The following RHOU variants were observed in gnomAD, a reference collection of about 807,000 sequenced individuals.
The protein encoded by RHOU is rho-related GTP-binding protein RhoU.
Under a neutral mutation model 12.6 loss-of-function variants are expected in RHOU, and 8 were observed. The observed-to-expected ratio is 0.64, with a 90% confidence interval of 0.37 to 1.15. The LOEUF is 1.15. Among genes scored for constraint, RHOU ranks in the 50% most tolerant of loss-of-function variants. The pLI is 0.01. For synonymous variants in RHOU, 161 were observed against 147.4 expected, an observed-to-expected ratio of 1.09 and a Z score of -0.67; for missense variants, 258 against 347.0, an observed-to-expected ratio of 0.74 and a Z score of 2.04.
chr1:228,676,637 G>A, the RHOU span, among the ~76,000 whole-genome samples: 7 of 152,226 alleles, frequency 4.6e-5, no homozygotes, highest in South Asian at 4.1e-4. Context: ...CCTGGGTGCA[G>A]GCAGGCTGAG....
chr1:228,647,747 A>G, the RHOU span, among the ~76,000 whole-genome samples: 1 of 152,070 alleles, frequency 6.6e-6, no homozygotes. Context: ...GCCCATCCTG[A>G]ATAGTTGTGA....
At chr1:228,684,442 C>T in the RHOU span, among the ~76,000 whole-genome samples, 2 of 149,104 alleles carry the variant, frequency 1.3e-5, no homozygotes, top group Admixed American at 6.6e-5. Context: ...GATCCTTCCA[C>T]CGCAGCCCCC....
the RHOU span, among the ~76,000 whole-genome samples, chr1:228,661,230 G>A: frequency 6.6e-6 from 1 of 152,136 alleles, no homozygotes; most frequent in East Asian, 1.9e-4. Context: ...TGGATAGGAA[G>A]CATCAATATC....
chr1:228,649,209 C>T, the RHOU span, among the ~76,000 whole-genome samples: 1 of 152,174 alleles, frequency 6.6e-6, no homozygotes, highest in Non-Finnish European at 1.5e-5. Context: ...GTTCAAGGTA[C>T]TAGAGTACCT....
the RHOU span, among the ~76,000 whole-genome samples, chr1:228,674,942 G>T: frequency 6.6e-6 from 1 of 151,046 alleles, no homozygotes; most frequent in Non-Finnish European, 1.5e-5. Flanking sequence ...TGTTAGCCAG[G>T]ATGGTCTCAA....
chr1:228,658,717 A>T, the RHOU span, among the ~76,000 whole-genome samples: 6 of 152,182 alleles, frequency 3.9e-5, no homozygotes, highest in African/African-American at 1.4e-4. Context: ...TCCACAGGGG[A>T]TTGGTTCCAG....
the RHOU span, among the ~76,000 whole-genome samples, chr1:228,714,696 T>C: frequency 6.6e-6 from 1 of 151,832 alleles, no homozygotes; most frequent in Non-Finnish European, 1.5e-5. Flanking sequence ...CCTTCTTCTT[T>C]TTTTTCTTAA....
chr1:228,701,918 A>G, the RHOU span, among the ~76,000 whole-genome samples: 10 of 151,686 alleles, frequency 6.6e-5, no homozygotes, highest in African/African-American at 2.4e-4. Context: ...ACTCTTAGTC[A>G]CCCTAATTTT....
At chr1:228,666,187 T>C in the RHOU span, among the ~76,000 whole-genome samples, 1 of 152,172 alleles carries the variant, frequency 6.6e-6, no homozygotes, top group East Asian at 1.9e-4. Context: ...ATCGAACTCC[T>C]GACTTCAAGT....
chr1:228,655,006 C>A, the RHOU span, among the ~76,000 whole-genome samples: 3 of 152,146 alleles, frequency 2.0e-5, no homozygotes, highest in Non-Finnish European at 4.4e-5. Context: ...CACCTAGTTC[C>A]CTATAATGAT....
At chr1:228,673,181 C>T in the RHOU span, among the ~76,000 whole-genome samples, 2 of 152,124 alleles carry the variant, frequency 1.3e-5, no homozygotes, top group African/African-American at 2.4e-5. Flanking sequence ...TCCCAGAAGC[C>T]CCATCTGATC....
the RHOU span, among the ~76,000 whole-genome samples, chr1:228,711,016 A>G: frequency 1.3e-5 from 2 of 152,248 alleles, no homozygotes; most frequent in East Asian, 3.9e-4. Context: ...ATACACCAAC[A>G]GACAAACAGA....
chr1:228,689,829 T>C, the RHOU span, among the ~76,000 whole-genome samples: 20 of 151,696 alleles, frequency 1.3e-4, no homozygotes, highest in African/African-American at 4.9e-4. Context: ...CGTGGAAAAA[T>C]TGTCTTCCAC....
chr1:228,701,401 G>C, the RHOU span, among the ~76,000 whole-genome samples: 1 of 152,106 alleles, frequency 6.6e-6, no homozygotes, highest in South Asian at 2.1e-4. Context: ...GACAGCATTA[G>C]ACAGAATCTA....
the RHOU span, among the ~76,000 whole-genome samples, chr1:228,719,755 A>AAAC: frequency 6.6e-6 from 1 of 152,028 alleles, no homozygotes; most frequent in Admixed American, 6.6e-5. Context: ...ACATACAAGC[A>AAAC]AACAACAACA....
At chr1:228,717,564 T>A in the RHOU span, among the ~76,000 whole-genome samples, 2 of 152,240 alleles carry the variant, frequency 1.3e-5, no homozygotes, top group African/African-American at 2.4e-5. Flanking sequence ...GCCATATTTA[T>A]CACTTACCAC....
chr1:228,675,703 A>G, the RHOU span, among the ~76,000 whole-genome samples: 1 of 152,260 alleles, frequency 6.6e-6, no homozygotes. Context: ...CACTGCTGCT[A>G]TAATGGATTT....
the RHOU span, among the ~76,000 whole-genome samples, chr1:228,665,654 C>T: frequency 1.3e-4 from 20 of 152,160 alleles, no homozygotes; most frequent in Non-Finnish European, 2.9e-4. Flanking sequence ...TGAGAACCTG[C>T]AGTTCTGATG....
chr1:228,683,510 G>A, the RHOU span, among the ~76,000 whole-genome samples: 1 of 152,154 alleles, frequency 6.6e-6, no homozygotes, highest in African/African-American at 2.4e-5. Context: ...TTTTCCATTT[G>A]GGAAATATAC....
Sources: gnomAD v4.1 joint callset for allele counts (sites outside exome capture counted in the v4.1 genomes callset) on GRCh38, gnomAD v4.1.1 for gene constraint, MANE v1.5 for transcripts, NCBI Gene and HGNC (gene_info 2026-07-23, HGNC 2026-07-21) for gene names.